STXBP5L: variants seen among roughly 807,000 people sequenced by gnomAD.
STXBP5L encodes the protein syntaxin binding protein 5L, also known as syntaxin-binding protein 5-like.
In STXBP5L, 65 loss-of-function variants were observed where a neutral mutation model predicts 144.5. The ratio of observed to expected loss-of-function variants is 0.45; its 90% CI spans 0.37 to 0.55. The LOEUF (loss-of-function observed/expected upper bound fraction) is 0.55, where lower values mean the gene tolerates loss of function less well. Ranked by LOEUF, STXBP5L falls within the 20% of genes least tolerant of loss-of-function variation. The pLI is 0.00. For missense variants in STXBP5L, 1,298 were observed against 1,405.5 expected, an observed-to-expected ratio of 0.92 and a Z score of 1.22; for synonymous variants, 505 against 469.6, an observed-to-expected ratio of 1.08 and a Z score of -0.97.
At chr3:121,125,123 A>G (rs116390019) in intron 7 of STXBP5L, among the ~76,000 whole-genome samples, 15,039 of 152,124 alleles carry the variant, frequency 0.099, 1,182 homozygotes, top group Admixed American at 0.2. Flanking sequence ...TTGGAAGCTA[A>G]TTGGTGAAGT....
rs1001560682 is a variant in STXBP5L, at chr3:121,017,371, A to G, written c.288-24329A>G. On this transcript the variant is annotated intron_variant, in intron 3 of 26. Coordinates refer to ENST00000471454, the MANE Select transcript of STXBP5L (RefSeq NM_001308330.2). Reference sequence around the variant, plus strand: ...AGGAACTAGATGCTTACCTGCTAAGATCATGAACAAGGTAAGGATGTATCC... The same window carrying G: ...AGGAACTAGATGCTTACCTGCTAAGGTCATGAACAAGGTAAGGATGTATCC... 2.6e-5 allele frequency among the ~76,000 whole-genome samples: 4 copies of G among 152,334 alleles called. No homozygotes were observed. The East Asian group carries it at 7.7e-4, about 29-fold the overall frequency.
At chr3:121,301,942 G>C (rs550258322) in intron 19 of STXBP5L, among the ~76,000 whole-genome samples, 1 of 152,170 alleles carries the variant, frequency 6.6e-6, no homozygotes, top group Non-Finnish European at 1.5e-5. Flanking sequence ...GCTGGATTCG[G>C]TTTGCCAGTA....
At chr3:121,015,354 C>T (rs1945069283) in intron 3 of STXBP5L, among the ~76,000 whole-genome samples, 1 of 152,110 alleles carries the variant, frequency 6.6e-6, no homozygotes, top group Non-Finnish European at 1.5e-5. Context: ...GTTGATCAGT[C>T]TTAAAATTAA....
At chr3:121,008,764 G>T (rs935585670) in intron 3 of STXBP5L, among the ~76,000 whole-genome samples, 1 of 151,870 alleles carries the variant, frequency 6.6e-6, no homozygotes, top group Non-Finnish European at 1.5e-5. Context: ...TGGGTCCTTT[G>T]GTTTGAGGCA....
chr3:121,020,132 A>C (rs548763913), intron 3 of STXBP5L, among the ~76,000 whole-genome samples: 25 of 152,302 alleles, frequency 1.6e-4, no homozygotes, highest in African/African-American at 6.0e-4. Flanking sequence ...TACAAAATGC[A>C]CTGGAAAGGC....
intron 2 of STXBP5L, among the ~76,000 whole-genome samples, chr3:120,920,331 G>T (rs1247499213): frequency 1.3e-5 from 2 of 151,262 alleles, no homozygotes. Flanking sequence ...ATGATTTGGG[G>T]TACTTTCCTG....
At chr3:121,218,843 A>G (rs376763489) in intron 10 of STXBP5L, among the ~76,000 whole-genome samples, 1 of 152,290 alleles carries the variant, frequency 6.6e-6, no homozygotes, top group African/African-American at 2.4e-5. Flanking sequence ...CTTAAAGTTT[A>G]GTTTCCTTAT....
chr3:120,982,665 G>A (rs1292194955), intron 3 of STXBP5L, among the ~76,000 whole-genome samples: 1 of 152,182 alleles, frequency 6.6e-6, no homozygotes. Flanking sequence ...CTCCAATGCA[G>A]GAACACTGCT....
chr3:121,084,709 T>C (rs2042407807), intron 5 of STXBP5L, among the ~76,000 whole-genome samples: 2 of 152,218 alleles, frequency 1.3e-5, no homozygotes, highest in South Asian at 4.1e-4. Context: ...TTACATTCCT[T>C]TGGATATATA....
chr3:120,990,860 C>T (rs896268875), intron 3 of STXBP5L, among the ~76,000 whole-genome samples: 83 of 152,212 alleles, frequency 5.5e-4, no homozygotes, highest in Non-Finnish European at 1.0e-3. Context: ...AATGTTAGAC[C>T]TAAAACCATA....
chr3:120,994,279 T>G (rs1380853983), intron 3 of STXBP5L, among the ~76,000 whole-genome samples: 1 of 152,148 alleles, frequency 6.6e-6, no homozygotes, highest in Non-Finnish European at 1.5e-5. Flanking sequence ...TGCCTTTTAT[T>G]TTTTTCTCCT....
In STXBP5L at chr3:121,344,091, G is replaced by A. The variant is rs922613476; in HGVS notation, c.2176+25551G>A. On this transcript the variant is annotated intron_variant, in intron 20 of 26. Coordinates refer to ENST00000471454, the MANE Select transcript of STXBP5L (RefSeq NM_001308330.2). ...ACACAACAGAGCCCTCAGAAATAAC[G>A]CCACATATCTACAACTATCTGATCT... Among the ~76,000 whole-genome samples, 55 of 151,474 alleles carry A rather than the reference G, an allele frequency of 3.6e-4. 2 individuals carry two copies. Among genetic ancestry groups the A allele is most frequent in the African/African-American group, 1.2e-3 (51 of 41,302 alleles).
intron 20 of STXBP5L, among the ~76,000 whole-genome samples, chr3:121,348,169 G>A (rs1042732367): frequency 4.6e-5 from 7 of 152,108 alleles, no homozygotes; most frequent in Non-Finnish European, 8.8e-5. Flanking sequence ...AACATGGTGT[G>A]TTGTTGAATT....
chr3:121,030,444 C>T (rs912438861), intron 3 of STXBP5L, among the ~76,000 whole-genome samples: 1 of 152,134 alleles, frequency 6.6e-6, no homozygotes, highest in African/African-American at 2.4e-5. Flanking sequence ...AAACCAAACA[C>T]TGCATGTTCT....
chr3:120,972,067 G>A (rs980817362), intron 3 of STXBP5L, among the ~76,000 whole-genome samples: 1 of 151,820 alleles, frequency 6.6e-6, no homozygotes, highest in Non-Finnish European at 1.5e-5. Flanking sequence ...CATTTTTTTG[G>A]TTTATATGAA....
intron 12 of STXBP5L, among the ~76,000 whole-genome samples, chr3:121,236,625 G>A (rs2049492403): frequency 6.6e-6 from 1 of 152,176 alleles, no homozygotes; most frequent in Non-Finnish European, 1.5e-5. Context: ...TGAGGAATCT[G>A]CCCCTGTGAA....
intron 5 of STXBP5L, among the ~76,000 whole-genome samples, chr3:121,050,072 G>T (rs757647395): frequency 2.0e-5 from 3 of 152,088 alleles, no homozygotes; most frequent in Non-Finnish European, 4.4e-5. Context: ...GTCCTGTCTT[G>T]CTCTTCTCTG....
intron 20 of STXBP5L, among the ~76,000 whole-genome samples, chr3:121,344,212 C>T (rs925462325): frequency 1.3e-5 from 2 of 152,074 alleles, no homozygotes; most frequent in Non-Finnish European, 2.9e-5. Flanking sequence ...AAAGCTGAAA[C>T]TGGATCCCTT....
At chr3:120,969,189 C>G (rs1939949231) in intron 3 of STXBP5L, among the ~76,000 whole-genome samples, 1 of 151,940 alleles carries the variant, frequency 6.6e-6, no homozygotes, top group Non-Finnish European at 1.5e-5. Context: ...TTTACCACAT[C>G]CATGCCAACA....
Sources: gnomAD v4.1 joint callset for allele counts (sites outside exome capture counted in the v4.1 genomes callset) on GRCh38, gnomAD v4.1.1 for gene constraint, MANE v1.5 for transcripts, NCBI Gene and HGNC (gene_info 2026-07-23, HGNC 2026-07-21) for gene names.